The following SKIC3 variants were observed in gnomAD, a reference collection of about 807,000 sequenced individuals.
SKIC3 encodes the protein superkiller complex protein 3.
At chr5:95,503,761 C>G in the SKIC3 span, 1 of 1,609,592 alleles carries the variant, frequency 6.2e-7, no homozygotes, top group Non-Finnish European at 8.5e-7. Context: ...GTGTGCTCAT[C>G]ATGATTAAAC....
chr5:95,469,982 T>TTC, the SKIC3 span: 2 of 503,878 alleles, frequency 4.0e-6, no homozygotes, highest in South Asian at 6.2e-5. Context: ...AATTCAATTC[T>TTC]TTTTTTTTTT....
At chr5:95,513,758 A>G in the SKIC3 span, 1 of 897,622 alleles carries the variant, frequency 1.1e-6, no homozygotes, top group Non-Finnish European at 1.8e-6. Context: ...TTAAAAGCAA[A>G]GTTAACCTAA....
chr5:95,530,959 T>C, the SKIC3 span, among the ~76,000 whole-genome samples: 1 of 152,072 alleles, frequency 6.6e-6, no homozygotes, highest in Admixed American at 6.5e-5. Context: ...TAGAATAAAT[T>C]GTGAATAGCA....
the SKIC3 span, among the ~76,000 whole-genome samples, chr5:95,490,504 A>ATATG: frequency 1.2e-4 from 18 of 144,254 alleles, 1 homozygote; most frequent in African/African-American, 4.1e-4. Context: ...ATATATATAT[A>ATATG]TTTTTTTTTT....
the SKIC3 span, among the ~76,000 whole-genome samples, chr5:95,535,683 TGAG>T: frequency 8.6e-5 from 13 of 151,820 alleles, no homozygotes; most frequent in Admixed American, 6.6e-5. Flanking sequence ...AGAGTTAAAA[TGAG>T]GAGAACTGAG....
At chr5:95,505,277 T>C in the SKIC3 span, among the ~76,000 whole-genome samples, 1 of 152,268 alleles carries the variant, frequency 6.6e-6, no homozygotes, top group South Asian at 2.1e-4. Context: ...GCTAAAAATA[T>C]AGGCAACCTT....
At chr5:95,520,712 G>A in the SKIC3 span, 19 of 1,601,244 alleles carry the variant, frequency 1.2e-5, no homozygotes, top group South Asian at 3.4e-5. Flanking sequence ...AGAATAATAC[G>A]AACCAAGTAA....
At chr5:95,502,778 C>G in the SKIC3 span, 1 of 1,516,734 alleles carries the variant, frequency 6.6e-7, no homozygotes, top group South Asian at 1.1e-5. Context: ...CTTTTGTTCA[C>G]CCAAAAGTTC....
chr5:95,494,743 T>G, the SKIC3 span: 1 of 1,613,692 alleles, frequency 6.2e-7, no homozygotes, highest in African/African-American at 1.3e-5. Flanking sequence ...CATCTTCTGC[T>G]GAACTGCTTC....
the SKIC3 span, chr5:95,523,940 T>A: frequency 3.3e-6 from 4 of 1,201,588 alleles, no homozygotes; most frequent in Non-Finnish European, 4.6e-6. Flanking sequence ...AGAAATAATT[T>A]CATTAAACAT....
At chr5:95,509,567 C>A in the SKIC3 span, 3 of 1,513,410 alleles carry the variant, frequency 2.0e-6, no homozygotes, top group Non-Finnish European at 2.8e-6. Flanking sequence ...CTTCCTCCTG[C>A]ATCTATCACA....
the SKIC3 span, chr5:95,547,032 T>C: frequency 1.3e-6 from 2 of 1,591,800 alleles, no homozygotes; most frequent in Non-Finnish European, 1.7e-6. Context: ...TAACATACTT[T>C]CATTGTGGAA....
At chr5:95,498,309 A>G in the SKIC3 span, 1 of 1,524,078 alleles carries the variant, frequency 6.6e-7, no homozygotes, top group Non-Finnish European at 9.1e-7. Flanking sequence ...ATAAAGTCCC[A>G]ATGTCAAATG....
At chr5:95,480,767 T>C in the SKIC3 span, among the ~76,000 whole-genome samples, 1 of 152,076 alleles carries the variant, frequency 6.6e-6, no homozygotes, top group Non-Finnish European at 1.5e-5. Context: ...AATGAATAAA[T>C]ATTATCGTAT....
chr5:95,478,592 A>G, the SKIC3 span: 3 of 1,036,576 alleles, frequency 2.9e-6, no homozygotes, highest in Non-Finnish European at 4.3e-6. Flanking sequence ...ATTACAGGTC[A>G]AAAAAGGGCT....
At chr5:95,475,736 T>C in the SKIC3 span, among the ~76,000 whole-genome samples, 35 of 152,226 alleles carry the variant, frequency 2.3e-4, no homozygotes, top group Admixed American at 4.6e-4. Flanking sequence ...ACAGGATCTT[T>C]ATGTGAAGGT....
At chr5:95,509,479 C>A in the SKIC3 span, 3 of 788,158 alleles carry the variant, frequency 3.8e-6, no homozygotes, top group South Asian at 1.5e-5. Flanking sequence ...CTGCAAATGG[C>A]GTGAACATCC....
chr5:95,489,040 G>GA, the SKIC3 span, among the ~76,000 whole-genome samples: 4 of 152,180 alleles, frequency 2.6e-5, no homozygotes, highest in East Asian at 7.7e-4. Context: ...ATATAGGCTG[G>GA]ATGTGGTGGC....
chr5:95,508,089 T>C, the SKIC3 span, among the ~76,000 whole-genome samples: 6 of 152,220 alleles, frequency 3.9e-5, no homozygotes, highest in African/African-American at 1.4e-4. Context: ...CATTTTCATA[T>C]ACTTCTTTCC....
Sources: gnomAD v4.1 joint callset for allele counts (sites outside exome capture counted in the v4.1 genomes callset) on GRCh38, gnomAD v4.1.1 for gene constraint, MANE v1.5 for transcripts, NCBI Gene and HGNC (gene_info 2026-07-23, HGNC 2026-07-21) for gene names.